GSN: variants seen among roughly 807,000 people sequenced by gnomAD.
The protein encoded by GSN is gelsolin, also known as actin-depolymerizing factor.
A neutral mutation model predicts 85.7 loss-of-function variants in GSN; 56 were observed. The observed-to-expected ratio is 0.65, with a 90% CI of 0.53 to 0.82. The LOEUF is 0.82. Among genes scored for constraint, GSN ranks in the 40% least tolerant of loss-of-function variants. GSN has a pLI of 0.00. For synonymous variants in GSN, 373 were observed against 399.1 expected, an observed-to-expected ratio of 0.93 and a Z score of 0.78; for missense variants, 857 against 979.8, an observed-to-expected ratio of 0.87 and a Z score of 1.67.
intron 1 of GSN, among the ~76,000 whole-genome samples, chr9:121,208,917 A>G (rs948621862): frequency 6.6e-6 from 1 of 152,246 alleles, no homozygotes; most frequent in Non-Finnish European, 1.5e-5. Flanking sequence ...GAGGACAGGG[A>G]CCATCAGTGG....
chr9:121,293,445 T>G (rs895361910), intron 2 of GSN, among the ~76,000 whole-genome samples: 11 of 151,464 alleles, frequency 7.3e-5, no homozygotes, highest in Admixed American at 4.6e-4. Context: ...CATACACACA[T>G]CATAAAATTT....
chr9:121,310,462 G>A (rs374657027), intron 4 of GSN: 18 of 589,624 alleles, frequency 3.1e-5, no homozygotes, highest in East Asian at 6.0e-5. Flanking sequence ...TGTGGCCTTG[G>A]GCAAATTTTA....
intron 2 of GSN, among the ~76,000 whole-genome samples, chr9:121,297,472 G>T (rs968176069): frequency 2.0e-5 from 3 of 152,120 alleles, no homozygotes; most frequent in Non-Finnish European, 4.4e-5. Flanking sequence ...AGGCAGCCAC[G>T]GCAATGTTTG....
At chr9:121,250,172 C>T (rs1479063259) in intron 6 of GSN, among the ~76,000 whole-genome samples, 1 of 150,940 alleles carries the variant, frequency 6.6e-6, no homozygotes, top group Non-Finnish European at 1.5e-5. Context: ...GTACCTTTGC[C>T]TTTGTGCAAT....
intron 10 of GSN, among the ~76,000 whole-genome samples, chr9:121,320,640 C>T (rs2062305907): frequency 6.8e-6 from 1 of 146,830 alleles, no homozygotes; most frequent in African/African-American, 2.5e-5. Flanking sequence ...AGTGAAACCT[C>T]GTCTCAAAAA....
intron 6 of GSN, among the ~76,000 whole-genome samples, chr9:121,251,200 T>TTTTTTTTTTTTTTTG (rs2054827074): frequency 7.1e-6 from 1 of 141,610 alleles, no homozygotes; most frequent in Admixed American, 7.1e-5. Context: ...TTTTTTTTTT[T>TTTTTTTTTTTTTTTG]GAGATGGATT....
chr9:121,238,884 C>T (rs2054548118), intron 5 of GSN: 1 of 534,230 alleles, frequency 1.9e-6, no homozygotes, highest in Non-Finnish European at 3.8e-6. Flanking sequence ...AGCTTGCCTA[C>T]AGCTGGTTAC....
chr9:121,248,605 G>A (rs1308834573), intron 6 of GSN, among the ~76,000 whole-genome samples: 2 of 152,184 alleles, frequency 1.3e-5, no homozygotes, highest in Admixed American at 6.5e-5. Context: ...GGGAACAGGT[G>A]TATCCAAAGC....
chr9:121,291,994 T>C (rs1386115304), intron 2 of GSN, among the ~76,000 whole-genome samples: 1 of 152,186 alleles, frequency 6.6e-6, no homozygotes, highest in East Asian at 1.9e-4. Flanking sequence ...CTTCCCAGGC[T>C]CAAGTGATCC....
At chr9:121,239,779 T>A in intron 5 of GSN, 1 of 258,824 alleles carries the variant, frequency 3.9e-6, no homozygotes, top group Non-Finnish European at 7.8e-6. Flanking sequence ...TTGGAGAATA[T>A]CCCCAGTCCC....
At chr9:121,250,396 G>A (rs2054796257) in intron 6 of GSN, among the ~76,000 whole-genome samples, 1 of 152,010 alleles carries the variant, frequency 6.6e-6, no homozygotes, top group African/African-American at 2.4e-5. Context: ...AGTAGAGACG[G>A]GGTTTCACCA....
intron 3 of GSN, chr9:121,210,426 A>G (rs1311030900): frequency 6.6e-6 from 1 of 152,222 alleles, no homozygotes; most frequent in African/African-American, 2.4e-5. Context: ...ATAGCCTCAT[A>G]TTGATAGAGT....
Position 121,329,253 on chromosome 9 carries a change from G to C in GSN, c.1903G>C (p.Gly635Arg), listed in dbSNP as rs751212668. The C allele has an allele frequency of 1.9e-6, 3 of 1,611,656 alleles. No homozygotes were observed. Among genetic ancestry groups the C allele is most frequent in the Non-Finnish European group, 2.5e-6 (3 of 1,177,752 alleles). The change falls in exon 16 of 18, where the codon GGT (glycine) becomes CGT (arginine). Residue 635 changes from glycine (G) to arginine (R), a missense_variant. Gly to Arg is a moderately radical substitution (Grantham distance 125, BLOSUM62 -2). Coordinates refer to ENST00000432226, the MANE Select transcript of GSN (RefSeq NM_198252.3). The surrounding 1 kb of genome is among the most constrained non-coding windows in gnomAD (Gnocchi z 4.6). ...TCCTTCCCAGATCGAAGAGGTTCCT[G>C]GTGAGCTCATGCAGGAAGACCTGGC... ...IGRFVIEEVP[G>R]ELMQEDLATD...
At chr9:121,223,878 T>C (rs1490037240) in intron 4 of GSN, among the ~76,000 whole-genome samples, 1 of 151,904 alleles carries the variant, frequency 6.6e-6, no homozygotes, top group East Asian at 1.9e-4. Context: ...AGGCTGGTCT[T>C]AAACTCTTGG....
rs541762629 is a variant in GSN at position 121,303,187 on chromosome 9, T to C, written c.351+122T>C. The C allele has an allele frequency of 1.7e-5, 16 of 914,334 alleles. No individual in the cohort carries two copies. In the African/African-American group the frequency reaches 2.4e-4, roughly 14 times the overall value. 56.6% of individuals were successfully genotyped at this position (914,334 alleles called of 1,614,324 possible). On this transcript the variant is annotated intron_variant, in intron 4 of 17. Coordinates refer to ENST00000432226, the MANE Select transcript of GSN (RefSeq NM_198252.3). ...GGCAGACCGATCAGAGGTCAGGCTT[T>C]GGAGTCAACCAACATTGTGTTTAAA... is the stretch of plus-strand genomic sequence containing the variant.
intron 5 of GSN, among the ~76,000 whole-genome samples, chr9:121,237,814 T>C (rs148008617): frequency 1.2e-4 from 18 of 152,216 alleles, no homozygotes; most frequent in Admixed American, 9.8e-4. Flanking sequence ...AGGACATTAT[T>C]AGGTAACTAA....
At chr9:121,257,047 C>G (rs1301650383) in intron 6 of GSN, among the ~76,000 whole-genome samples, 15 of 151,788 alleles carry the variant, frequency 9.9e-5, no homozygotes. Flanking sequence ...AATAGAGATC[C>G]AAATTACCCT....
intron 4 of GSN, among the ~76,000 whole-genome samples, chr9:121,220,790 C>G (rs893112924): frequency 6.6e-6 from 1 of 152,188 alleles, no homozygotes; most frequent in Non-Finnish European, 1.5e-5. Context: ...AAAGACAGAA[C>G]AGGCAACCGT....
chr9:121,251,743 G>A (rs1434212702), intron 6 of GSN, among the ~76,000 whole-genome samples: 1 of 152,000 alleles, frequency 6.6e-6, no homozygotes, highest in African/African-American at 2.4e-5. Context: ...AAGATCACCT[G>A]AGGTCAGGAG....
Sources: gnomAD v4.1 joint callset for allele counts (sites outside exome capture counted in the v4.1 genomes callset) on GRCh38, gnomAD v4.1.1 for gene constraint, Gnocchi (gnomAD v3.1) non-coding constraint, MANE v1.5 for transcripts, NCBI Gene and HGNC (gene_info 2026-07-23, HGNC 2026-07-21) for gene names.